SOS1: variants seen among roughly 807,000 people sequenced by gnomAD.
SOS1 encodes the protein son of sevenless homolog 1.
A neutral mutation model predicts 157.6 loss-of-function variants in SOS1; 25 were observed. The observed-to-expected ratio is 0.16, with a 90% CI of 0.12 to 0.22. The LOEUF is 0.22. SOS1 is among the 10% of genes least tolerant of loss of function. The probability of loss-of-function intolerance (pLI) is 1.00; values close to 1 mark genes in which losing one functional copy is unlikely to be tolerated. For synonymous variants in SOS1, 528 were observed against 534.0 expected, an observed-to-expected ratio of 0.99 and a Z score of 0.16; for missense variants, 1,237 against 1,599.1, an observed-to-expected ratio of 0.77 and a Z score of 3.86.
intron 1 of SOS1, among the ~76,000 whole-genome samples, chr2:39,109,334 G>A (rs184558912): frequency 4.1e-4 from 63 of 152,212 alleles, no homozygotes; most frequent in Admixed American, 3.7e-3. Context: ...GTTCCTTTAT[G>A]GTCTGTGCTA....
chr2:39,002,751 C>T (rs1297428443), intron 17 of SOS1, among the ~76,000 whole-genome samples: 2 of 151,928 alleles, frequency 1.3e-5, no homozygotes, highest in Non-Finnish European at 2.9e-5. Flanking sequence ...AATCAATGAA[C>T]TCAATATTTT....
intron 14 of SOS1, 134 bp from the exon 15 acceptor site, chr2:39,010,837 A>G (rs1279174697): frequency 2.9e-6 from 2 of 696,484 alleles, no homozygotes; most frequent in African/African-American, 3.6e-5. Flanking sequence ...AAGGTCTGTG[A>G]AAACAAGGTA....
In SOS1 at chr2:39,022,883, T is replaced by C; in HGVS notation, c.1545A>G (p.Glu515=). 6.2e-7 allele frequency: 1 copy of C among 1,612,594 alleles called. No individual in the cohort carries two copies. Among genetic ancestry groups the C allele is most frequent in the East Asian group, 2.2e-5 (1 of 44,848 alleles). The stretch of plus-strand genomic sequence containing the variant: ...CACTATTTTCATCTTTTAAAATTAT[T>C]TCAAAAGCATGCTTGTATTCATTGG... The part of the protein sequence containing the change: ...DDTNEYKHAF[E]IILKDENSVI... The change falls in exon 10 of 23, where the codon GAA becomes GAG. Residue 515 remains glutamate, a synonymous_variant. Transcript: ENST00000402219.
In SOS1 at chr2:38,987,544, C is replaced by G; in HGVS notation, c.3439G>C (p.Val1147Leu). Residue 1147 changes from valine to leucine, a missense_variant, in exon 22 of 23, where the codon GTG (valine) becomes CTG (leucine). Physicochemically the swap from Val to Leu is conservative, Grantham distance 32. This residue lies in a region of SOS1 where 306 missense variants were observed against 322.6 expected (regional missense o/e 0.95). Transcript: ENST00000402219. ...SISLTKGTDE[V>L]PVPPPVPPRR... ...GGAGGAACAGGAGGAGGGACAGGCACTTCATCAGTGCCTTTGGTTAAACTT... is the reference window on the plus strand; with the variant it reads ...GGAGGAACAGGAGGAGGGACAGGCAGTTCATCAGTGCCTTTGGTTAAACTT... The G allele has an allele frequency of 6.2e-7, 1 of 1,605,056 alleles. No homozygotes were observed. The highest frequency in any genetic ancestry group is 8.5e-7 in the Non-Finnish European group (1 of 1,173,504).
intron 6 of SOS1, among the ~76,000 whole-genome samples, chr2:39,041,354 T>G (rs1243063900): frequency 1.3e-5 from 2 of 152,210 alleles, no homozygotes; most frequent in African/African-American, 4.8e-5. Context: ...TTTATATATC[T>G]TCATTGGAGA....
At chr2:39,064,806 T>C (rs1439229363) in intron 2 of SOS1, among the ~76,000 whole-genome samples, 3 of 128,772 alleles carry the variant, frequency 2.3e-5, no homozygotes, top group South Asian at 2.6e-4. Context: ...TGGAGTACAG[T>C]GGTGCAATCT....
At chr2:39,106,263 C>T (rs1292223925) in intron 1 of SOS1, among the ~76,000 whole-genome samples, 1 of 151,722 alleles carries the variant, frequency 6.6e-6, no homozygotes, top group African/African-American at 2.4e-5. Flanking sequence ...AAGTAATCTT[C>T]CTGTTACAGT....
Position 39,095,304 on chromosome 2 carries a change from T to G in SOS1, c.87+25032A>C, listed in dbSNP as rs143991301. ...GAATTCTCAGACTCCTGAGAATATCTAGAGACTCCAGTTTGAGAAACTACT... is the reference window on the plus strand; with the variant it reads ...GAATTCTCAGACTCCTGAGAATATCGAGAGACTCCAGTTTGAGAAACTACT... On this transcript the variant is annotated intron_variant, in intron 1 of 22. Coordinates refer to ENST00000402219, the MANE Select transcript of SOS1 (RefSeq NM_005633.4). Among the ~76,000 whole-genome samples, 210 of 152,268 alleles carry G rather than the reference T, an allele frequency of 1.4e-3. 1 individual carries two copies. The highest frequency in any genetic ancestry group is 4.6e-3 in the African/African-American group (192 of 41,552).
Position 38,987,511 on chromosome 2 carries a change from G to A in SOS1, c.3472C>T (p.Arg1158Ter), listed in dbSNP as rs1396062382. ...GATTCTGCTGGGGCAGATTCTGGTC[G>A]TCTTCGTGGAGGAACAGGAGGAGGG... is the stretch of plus-strand genomic sequence containing the variant. ...PVPPPVPPRR[R>*]PESAPAESSP... Residue 1158 changes from arginine to a stop codon, truncating the protein, a stop_gained, in exon 22 of 23, where the codon CGA becomes TGA. Coordinates refer to ENST00000402219, the MANE Select transcript of SOS1 (RefSeq NM_005633.4). LOFTEE classifies it high-confidence loss of function. 1 of 1,601,606 alleles carries A rather than the reference G, an allele frequency of 6.2e-7. No individual in the cohort carries two copies. Among genetic ancestry groups the A allele is most frequent in the Non-Finnish European group, 8.5e-7 (1 of 1,170,912 alleles).
At position 39,054,673 on chromosome 2, in the gene SOS1, G is replaced by C. The variant is rs1007628403; in HGVS notation, c.661C>G (p.Leu221Val). Residue 221 changes from leucine (L) to valine (V), a missense_variant, in exon 5 of 23, where the codon CTA becomes GTA. Physicochemically the swap from Leu to Val is conservative, Grantham distance 32. Coordinates refer to ENST00000402219, the MANE Select transcript of SOS1 (RefSeq NM_005633.4). Reference protein sequence around the residue: ...EIRQYIRELNLIIKVFREPFV... With the variant: ...EIRQYIRELNVIIKVFREPFV... ...GGCTCTCTAAAAACTTTTATAATTA[G>C]ATTTAGTTCCCTTATATATTGTCGA... The C allele has an allele frequency of 6.3e-7, 1 of 1,599,208 alleles. No individual in the cohort carries two copies. Among genetic ancestry groups the C allele is most frequent in the East Asian group, 2.2e-5 (1 of 44,710 alleles).
At chr2:39,108,250 TCTC>T (rs761529284) in intron 1 of SOS1, among the ~76,000 whole-genome samples, 73 of 152,248 alleles carry the variant, frequency 4.8e-4, no homozygotes, top group South Asian at 1.0e-3. Flanking sequence ...TACTGCAAAA[TCTC>T]CTCAACTGGC....
intron 1 of SOS1, among the ~76,000 whole-genome samples, chr2:39,119,379 G>A (rs2148240960): frequency 6.6e-6 from 1 of 152,170 alleles, no homozygotes; most frequent in East Asian, 1.9e-4. Context: ...AAAAGTTACT[G>A]GCCTTTGAGA....
intron 8 of SOS1, 49 bp from the exon 9 acceptor site, chr2:39,024,186 AAAT>A (rs751440659): frequency 6.9e-5 from 101 of 1,458,696 alleles, no homozygotes; most frequent in Middle Eastern, 5.5e-4. Context: ...TTTTTGGATA[AAAT>A]AATAATAAAC....
At chr2:39,114,520 A>T (rs1020075723) in intron 1 of SOS1, among the ~76,000 whole-genome samples, 112 of 152,022 alleles carry the variant, frequency 7.4e-4, no homozygotes, top group African/African-American at 2.5e-3. Flanking sequence ...TTAGGCTGGT[A>T]TCGAACTCCT....
At chr2:39,025,838 TA>T (rs1669943416) in intron 8 of SOS1, among the ~76,000 whole-genome samples, 2 of 152,218 alleles carry the variant, frequency 1.3e-5, no homozygotes, top group African/African-American at 4.8e-5. Flanking sequence ...CTGTGAAAAG[TA>T]AACAGATTTC....
intron 10 of SOS1, among the ~76,000 whole-genome samples, chr2:39,017,430 T>A (rs1669665295): frequency 6.6e-6 from 1 of 152,086 alleles, no homozygotes; most frequent in African/African-American, 2.4e-5. Flanking sequence ...CTGTAACTCT[T>A]GATCAGCCTT....
In SOS1 at chr2:39,010,690, A is replaced by G. The variant is rs1175809874; in HGVS notation, c.2404T>C (p.Ser802Pro). 1.2e-6 allele frequency: 2 copies of G among 1,607,266 alleles called. No homozygotes were observed. The highest frequency in any genetic ancestry group is 2.7e-5 in the African/African-American group (2 of 74,782). ...GTCCACACACTTCCAACTAATTCTG[A>G]TGGCTGTACAGCTCTAAAATCATCA... ...ESDLYRAVQP[S>P]ELVGSVWTKE... is the part of the protein sequence containing the mutation. The change falls in exon 15 of 23, where the codon TCA becomes CCA. Residue 802 changes from serine to proline, a missense_variant. By Grantham distance (74) the Ser-to-Pro change is moderately conservative. This residue lies in a region of SOS1 where 105 missense variants were observed against 236.0 expected (regional missense o/e 0.44). Coordinates refer to ENST00000402219, the MANE Select transcript of SOS1 (RefSeq NM_005633.4).
chr2:39,011,583 A>G (rs1558468619), intron 14 of SOS1, among the ~76,000 whole-genome samples: 1 of 152,218 alleles, frequency 6.6e-6, no homozygotes, highest in African/African-American at 2.4e-5. Flanking sequence ...TAAAAAGTGA[A>G]TAATTTAAGA....
chr2:39,064,089 C>T (rs1558496197), intron 2 of SOS1, among the ~76,000 whole-genome samples: 1 of 152,138 alleles, frequency 6.6e-6, no homozygotes, highest in Non-Finnish European at 1.5e-5. Flanking sequence ...CCACGTTGCC[C>T]TCCCAAAGTG....
Sources: gnomAD v4.1 joint callset for allele counts (sites outside exome capture counted in the v4.1 genomes callset) on GRCh38, gnomAD v4.1.1 for gene constraint, gnomAD v4.1.1 regional missense constraint, MANE v1.5 for transcripts, NCBI Gene and HGNC (gene_info 2026-07-23, HGNC 2026-07-21) for gene names.